Variants in MARK4 observed in about 807,000 individuals in gnomAD.
The protein encoded by MARK4 is microtubule affinity regulating kinase 4.
MARK4 carries 19 observed loss-of-function variants against 81.5 expected under a neutral mutation model. The ratio of observed to expected loss-of-function variants is 0.23; its 90% CI spans 0.16 to 0.34. The LOEUF is 0.34. Among genes scored for constraint, MARK4 ranks in the 10% least tolerant of loss-of-function variants. The probability of loss-of-function intolerance (pLI) is 1.00; values close to 1 mark genes in which losing one functional copy is unlikely to be tolerated. For missense variants in MARK4, 772 were observed against 1,058.8 expected, an observed-to-expected ratio of 0.73 and a Z score of 3.76; for synonymous variants, 436 against 439.0, an observed-to-expected ratio of 0.99 and a Z score of 0.08.
intron 2 of MARK4, among the ~76,000 whole-genome samples, chr19:45,260,655 C>T (rs1389555853): frequency 6.6e-6 from 1 of 152,036 alleles, no homozygotes; most frequent in Non-Finnish European, 1.5e-5. Context: ...CGAGATTGTG[C>T]CACTGCACTC....
chr19:45,272,287 G>A (rs1369790882), intron 8 of MARK4, among the ~76,000 whole-genome samples: 4 of 152,302 alleles, frequency 2.6e-5, no homozygotes, highest in East Asian at 1.9e-4. Flanking sequence ...AGCTGAGATC[G>A]TGCCACTGCA....
intron 7 of MARK4, among the ~76,000 whole-genome samples, chr19:45,269,252 G>A (rs747171521): frequency 7.0e-4 from 107 of 152,250 alleles, no homozygotes; most frequent in Non-Finnish European, 2.1e-4. Flanking sequence ...GGTTGTGGGC[G>A]CCTGTAGTCC....
intron 12 of MARK4, among the ~76,000 whole-genome samples, chr19:45,283,908 A>G (rs1378257128): frequency 1.4e-4 from 21 of 152,118 alleles, no homozygotes. Context: ...GCAGGGGTGA[A>G]GTTCTTACTC....
chr19:45,294,145 G>C (rs1252995293), intron 13 of MARK4, among the ~76,000 whole-genome samples: 1 of 152,036 alleles, frequency 6.6e-6, no homozygotes, highest in African/African-American at 2.4e-5. Flanking sequence ...GGTCTCCAGG[G>C]GTCTCCCCTG....
intron 1 of MARK4, among the ~76,000 whole-genome samples, chr19:45,256,822 C>T (rs917695168): frequency 7.2e-5 from 11 of 152,218 alleles, no homozygotes; most frequent in African/African-American, 2.4e-4. Context: ...TTGAGCAAGC[C>T]TGTAGGCTCC....
intron 15 of MARK4, 31 bp from the exon 16 acceptor site, chr19:45,299,780 T>C: frequency 6.3e-7 from 1 of 1,577,092 alleles, no homozygotes; most frequent in Non-Finnish European, 8.7e-7. Flanking sequence ...TATGTCCAGA[T>C]TAGACACTCT....
chr19:45,259,356 C>T (rs1970351888), intron 2 of MARK4, among the ~76,000 whole-genome samples, 167 bp downstream of exon 2: 2 of 152,122 alleles, frequency 1.3e-5, no homozygotes, highest in Non-Finnish European at 2.9e-5. Context: ...CCAGAACCAC[C>T]CCCATGGGAA....
chr19:45,270,433 A>T (rs1386934663), intron 7 of MARK4, among the ~76,000 whole-genome samples: 2 of 152,004 alleles, frequency 1.3e-5, no homozygotes, highest in Non-Finnish European at 2.9e-5. Flanking sequence ...GGATTAAATT[A>T]TTGCTTTCGT....
At chr19:45,293,901 T>G (rs1479908092) in intron 13 of MARK4, among the ~76,000 whole-genome samples, 1 of 152,050 alleles carries the variant, frequency 6.6e-6, no homozygotes, top group Non-Finnish European at 1.5e-5. Flanking sequence ...ACCTGAAAGA[T>G]ATGTAGGAGT....
chr19:45,291,412 C>T (rs1599800402), intron 13 of MARK4, among the ~76,000 whole-genome samples: 18 of 152,196 alleles, frequency 1.2e-4, no homozygotes, highest in Admixed American at 1.0e-3. Flanking sequence ...TTTGGGAGGC[C>T]GAGGCGGTGA....
At chr19:45,274,648 C>G (rs1227771576) in intron 8 of MARK4, among the ~76,000 whole-genome samples, 28 of 151,954 alleles carry the variant, frequency 1.8e-4, no homozygotes, top group Admixed American at 1.8e-3. Context: ...CAAAACAAAA[C>G]AAACAAACAA....
In MARK4 at chr19:45,303,773, C is replaced by T. The variant is rs186909227; in HGVS notation, c.*1063C>T. Reference sequence around the variant, plus strand: ...GATTCTGACACAGACACCGGACAAACCATTGTCTTGGGGAGCCCAGAAGAG... The same window carrying T: ...GATTCTGACACAGACACCGGACAAATCATTGTCTTGGGGAGCCCAGAAGAG... On this transcript the variant is annotated 3_prime_UTR_variant, in exon 17 of 17. Coordinates refer to ENST00000262891, the MANE Select transcript of MARK4 (RefSeq NM_001199867.2). 1 of 152,172 alleles carries T rather than the reference C, an allele frequency of 6.6e-6. No homozygotes were observed. Among genetic ancestry groups the T allele is most frequent in the Non-Finnish European group, 1.5e-5 (1 of 68,052 alleles). The allele number at this position is 152,172 out of a possible 1,614,324, so 9.4% of individuals were successfully genotyped here. A position where few individuals can be genotyped will look rare whatever the true frequency, so the allele number is the denominator to read the frequency against.
At chr19:45,284,701 C>G (rs996921933) in intron 12 of MARK4, among the ~76,000 whole-genome samples, 28 of 152,184 alleles carry the variant, frequency 1.8e-4, no homozygotes, top group Non-Finnish European at 4.0e-4. Context: ...GCCTGTAATC[C>G]CAGCACTTTG....
At chr19:45,268,417 C>A (rs1211473212) in intron 7 of MARK4, among the ~76,000 whole-genome samples, 1 of 151,998 alleles carries the variant, frequency 6.6e-6, no homozygotes, top group African/African-American at 2.4e-5. Context: ...AACTCCATCT[C>A]TACTAAAAAT....
At chr19:45,275,270 A>T (rs345410) in intron 8 of MARK4, among the ~76,000 whole-genome samples, 187 of 152,064 alleles carry the variant, frequency 1.2e-3, no homozygotes, top group African/African-American at 3.9e-3. Flanking sequence ...CAAAAAAATA[A>T]AAAGAGTTTG....
intron 7 of MARK4, among the ~76,000 whole-genome samples, chr19:45,269,134 T>C (rs1970492893): frequency 6.6e-6 from 1 of 152,120 alleles, no homozygotes; most frequent in Non-Finnish European, 1.5e-5. Context: ...CTCAGCACTT[T>C]TTGGGAGGCC....
chr19:45,297,553 C>T (rs1355445504), intron 14 of MARK4, 123 bp from the exon 15 acceptor site: 1 of 616,388 alleles, frequency 1.6e-6, no homozygotes, highest in Non-Finnish European at 2.8e-6. Context: ...CGTTGCAGCC[C>T]TGTCTCTGAG....
At chr19:45,293,712 G>A (rs1320424926) in intron 13 of MARK4, among the ~76,000 whole-genome samples, 1 of 152,210 alleles carries the variant, frequency 6.6e-6, no homozygotes, top group African/African-American at 2.4e-5. Context: ...GCATAATCCT[G>A]ATATTCCCTG....
rs1970982027 is a variant in MARK4, at chr19:45,302,014, A to ATCT, written c.1923-357_1923-355dup. ...ATCCCGATTCCCTGGAGCCCTTGTC[A>ATCT]TCTTCACAGTTGAGGCTGGCCTGTG... On this transcript the variant is annotated intron_variant, in intron 16 of 16. Coordinates refer to ENST00000262891, the MANE Select transcript of MARK4 (RefSeq NM_001199867.2). The surrounding 1 kb of genome is among the most constrained non-coding windows in gnomAD (Gnocchi z 4.9). Among the ~76,000 whole-genome samples the ATCT allele has an allele frequency of 6.6e-6, 1 of 152,198 alleles. No individual in the cohort carries two copies. The highest frequency in any genetic ancestry group is 2.1e-4 in the South Asian group (1 of 4,830).
Sources: allele counts gnomAD v4.1 joint callset (sites outside exome capture counted in the v4.1 genomes callset), GRCh38; gene constraint gnomAD v4.1.1; non-coding constraint Gnocchi (gnomAD v3.1); transcripts MANE v1.5; gene names NCBI Gene and HGNC (gene_info 2026-07-23, HGNC 2026-07-21).